The following ADGRL2 variants were observed in gnomAD, a reference collection of about 807,000 sequenced individuals.
ADGRL2 encodes calcium-independent alpha-latrotoxin receptor 2.
ADGRL2 carries 44 observed loss-of-function variants against 157.4 expected under a neutral mutation model. The ratio of observed to expected loss-of-function variants is 0.28; its 90% CI spans 0.22 to 0.36. The LOEUF is 0.36. ADGRL2 is among the 10% of genes least tolerant of loss of function. The probability of loss-of-function intolerance (pLI) is 1.00; values close to 1 mark genes in which losing one functional copy is unlikely to be tolerated. For synonymous variants in ADGRL2, 585 were observed against 624.7 expected (o/e 0.94, Z 0.95); for missense variants, 1,510 against 1,768.9 (o/e 0.85, Z 2.63).
chr1:81,372,949 C>A (rs907000304), intron 1 of ADGRL2, among the ~76,000 whole-genome samples: 1 of 152,112 alleles, frequency 6.6e-6, no homozygotes, highest in Non-Finnish European at 1.5e-5. Context: ...TAATGTGCAT[C>A]ATCACATTTA....
chr1:81,400,663 C>A (rs1481787383), intron 1 of ADGRL2, among the ~76,000 whole-genome samples: 1 of 152,008 alleles, frequency 6.6e-6, no homozygotes, highest in Non-Finnish European at 1.5e-5. Flanking sequence ...CAGCTGTATC[C>A]TAGACTCTGT....
chr1:81,771,558 T>G (rs1393886979), intron 2 of ADGRL2, among the ~76,000 whole-genome samples: 1 of 152,162 alleles, frequency 6.6e-6, no homozygotes, highest in Admixed American at 6.5e-5. Context: ...AAAAAAAATC[T>G]CTCTTGAAAA....
chr1:81,439,060 C>T (rs938134166), intron 1 of ADGRL2, among the ~76,000 whole-genome samples: 4 of 152,148 alleles, frequency 2.6e-5, no homozygotes, highest in East Asian at 3.9e-4. Flanking sequence ...TCCCAGAGAA[C>T]CTTTTGTACT....
chr1:81,804,580 T>G (rs1256850848), intron 1 of ADGRL2, among the ~76,000 whole-genome samples: 2 of 152,206 alleles, frequency 1.3e-5, no homozygotes, highest in Non-Finnish European at 2.9e-5. Flanking sequence ...TGTTTTGTAG[T>G]TATGTGGGCC....
chr1:81,918,705 C>T (rs985662479), intron 3 of ADGRL2, among the ~76,000 whole-genome samples: 4 of 152,008 alleles, frequency 2.6e-5, no homozygotes, highest in African/African-American at 9.7e-5. Flanking sequence ...CAGCTGTTCA[C>T]AGGAAAAGCA....
chr1:81,452,350 C>T (rs2077717758), intron 2 of ADGRL2, among the ~76,000 whole-genome samples: 1 of 152,064 alleles, frequency 6.6e-6, no homozygotes, highest in Non-Finnish European at 1.5e-5. Flanking sequence ...CCAATTTTTC[C>T]CCACAAAAGC....
At chr1:81,894,499 T>C (rs909261865) in intron 2 of ADGRL2, among the ~76,000 whole-genome samples, 1 of 152,194 alleles carries the variant, frequency 6.6e-6, no homozygotes, top group African/African-American at 2.4e-5. Flanking sequence ...AAGCTCTGTA[T>C]ATCTTTTGGA....
chr1:81,651,959 G>A (rs536788643), intron 3 of ADGRL2, among the ~76,000 whole-genome samples: 87 of 151,886 alleles, frequency 5.7e-4, no homozygotes, highest in African/African-American at 2.0e-3. Context: ...CTCACACCTC[G>A]GCCTCCCAAA....
intron 3 of ADGRL2, among the ~76,000 whole-genome samples, chr1:81,659,618 A>G (rs2030044): frequency 0.11 from 16,467 of 151,362 alleles, 1,195 homozygotes; most frequent in South Asian, 0.16. Flanking sequence ...TGTAACATTG[A>G]TGACACTAGA....
intron 3 of ADGRL2, among the ~76,000 whole-genome samples, chr1:81,596,679 A>C (rs1223665523): frequency 6.6e-6 from 1 of 150,866 alleles, no homozygotes. Flanking sequence ...CCTAGATTTT[A>C]CTTTTTTTTT....
intron 2 of ADGRL2, among the ~76,000 whole-genome samples, chr1:81,845,444 A>T (rs539186054): frequency 2.4e-4 from 36 of 152,178 alleles, no homozygotes; most frequent in Admixed American, 2.4e-3. Context: ...GCACACATTG[A>T]TGACCAGTAT....
intron 3 of ADGRL2, among the ~76,000 whole-genome samples, chr1:81,915,279 G>A (rs284226): frequency 0.59 from 89,390 of 151,850 alleles, 26,901 homozygotes; most frequent in East Asian, 0.92. Flanking sequence ...GGTTTCTGCC[G>A]TGTTGCCCTG....
chr1:81,333,763 A>C (rs1661439925), intron 1 of ADGRL2, among the ~76,000 whole-genome samples: 1 of 41,770 alleles, frequency 2.4e-5, no homozygotes, highest in Non-Finnish European at 6.0e-5. Context: ...TTCCCTAAGC[A>C]AAAAAAAAAA....
At chr1:81,802,879 C>T (rs1397430311) in intron 1 of ADGRL2, among the ~76,000 whole-genome samples, 1 of 152,120 alleles carries the variant, frequency 6.6e-6, no homozygotes, top group Non-Finnish European at 1.5e-5. Flanking sequence ...GACAGTAAAG[C>T]GCAGCCAGAT....
intron 2 of ADGRL2, among the ~76,000 whole-genome samples, chr1:81,868,148 C>G (rs1052759762): frequency 1.3e-5 from 2 of 151,006 alleles, no homozygotes; most frequent in African/African-American, 4.9e-5. Flanking sequence ...AAAATCCGTG[C>G]CACTGCTATG....
At chr1:81,448,723 AG>A (rs1478886214) in intron 2 of ADGRL2, among the ~76,000 whole-genome samples, 3 of 152,230 alleles carry the variant, frequency 2.0e-5, no homozygotes, top group Non-Finnish European at 2.9e-5. Context: ...AAACAATGAA[AG>A]GGTTATTTTA....
intron 1 of ADGRL2, among the ~76,000 whole-genome samples, chr1:81,351,036 G>A (rs1662845600): frequency 6.6e-6 from 1 of 152,110 alleles, no homozygotes. Context: ...ACCAGATTAT[G>A]AAGATTTAAA....
intron 1 of ADGRL2, among the ~76,000 whole-genome samples, chr1:81,365,818 C>T (rs2076055652): frequency 6.6e-6 from 1 of 152,180 alleles, no homozygotes; most frequent in Non-Finnish European, 1.5e-5. Context: ...ATCTCTTTTA[C>T]TGACTAGCTA....
chr1:81,559,751 T>A (rs1245225458), intron 2 of ADGRL2, among the ~76,000 whole-genome samples: 1 of 152,164 alleles, frequency 6.6e-6, no homozygotes, highest in Non-Finnish European at 1.5e-5. Context: ...GGGAGTAATG[T>A]TTGATTATAT....
Sources: gnomAD v4.1 joint callset for allele counts (sites outside exome capture counted in the v4.1 genomes callset) on GRCh38, gnomAD v4.1.1 for gene constraint, MANE v1.5 for transcripts, NCBI Gene and HGNC (gene_info 2026-07-23, HGNC 2026-07-21) for gene names.